The following DIAPH2 variants were observed in gnomAD, a reference collection of about 807,000 sequenced individuals.
The protein encoded by DIAPH2 is protein diaphanous homolog 2.
A neutral mutation model predicts 92.7 loss-of-function variants in DIAPH2; 35 were observed. That is an observed-to-expected ratio of 0.38 (90% CI 0.29 to 0.50). The LOEUF (loss-of-function observed/expected upper bound fraction) is 0.50. Ranked by LOEUF, DIAPH2 falls within the 20% of genes least tolerant of loss-of-function variation. The pLI is 0.94. For missense variants in DIAPH2, 701 were observed against 819.5 expected (o/e 0.86, Z 1.77); for synonymous variants, 301 against 280.4 (o/e 1.07, Z -0.73).
At chrX:96,954,509 C>A (rs2065797367) in intron 15 of DIAPH2, among the ~76,000 whole-genome samples, 1 of 111,868 alleles carries the variant, frequency 8.9e-6, no homozygotes, top group Non-Finnish European at 1.9e-5. Context: ...TCCTCATAAT[C>A]CTATCTATTT....
At chrX:96,921,377 G>A (rs753013356) in intron 9 of DIAPH2, among the ~76,000 whole-genome samples, 1 of 111,178 alleles carries the variant, frequency 9.0e-6, no homozygotes, top group East Asian at 2.8e-4. Flanking sequence ...GCATTCTCCG[G>A]TCTCTTTTGC....
intron 5 of DIAPH2, among the ~76,000 whole-genome samples, chrX:96,882,558 G>T (rs1569419217): frequency 9.0e-6 from 1 of 111,064 alleles, no homozygotes; most frequent in Non-Finnish European, 1.9e-5. Flanking sequence ...TAGGTTACTT[G>T]CCAATGGTGG....
chrX:97,129,882 G>A (rs766424314), intron 21 of DIAPH2, among the ~76,000 whole-genome samples: 2 of 111,350 alleles, frequency 1.8e-5, no homozygotes, highest in Non-Finnish European at 3.8e-5. Flanking sequence ...ATTGATATCC[G>A]TAATATATAA....
intron 23 of DIAPH2, among the ~76,000 whole-genome samples, chrX:97,261,100 C>G (rs2068284756): frequency 8.9e-6 from 1 of 112,243 alleles, no homozygotes; most frequent in Non-Finnish European, 1.9e-5. Flanking sequence ...AAGGTCATAT[C>G]TTTGAATTAT....
At chrX:96,956,819 A>G (rs1040688347) in intron 15 of DIAPH2, among the ~76,000 whole-genome samples, 3 of 112,160 alleles carry the variant, frequency 2.7e-5, no homozygotes, top group African/African-American at 9.7e-5. Context: ...AAACTTTCCC[A>G]CATTTTCCTG....
intron 23 of DIAPH2, among the ~76,000 whole-genome samples, chrX:97,256,089 A>T (rs1029942419): frequency 8.9e-6 from 1 of 112,464 alleles, no homozygotes; most frequent in Non-Finnish European, 1.9e-5. Context: ...ATGTACCCTC[A>T]ACCTGACAAA....
At chrX:97,590,593 G>A (rs1193670895) in intron 26 of DIAPH2, among the ~76,000 whole-genome samples, 1 of 112,195 alleles carries the variant, frequency 8.9e-6, no homozygotes. Flanking sequence ...GAGTAGAAAG[G>A]CACAGAGATG....
chrX:96,793,251 C>G (rs914954747), intron 4 of DIAPH2, among the ~76,000 whole-genome samples: 1 of 112,286 alleles, frequency 8.9e-6, no homozygotes, highest in African/African-American at 3.2e-5. Flanking sequence ...TCCTCTGTCT[C>G]CCGGGTTCAA....
At chrX:97,216,552 C>T (rs938696324) in intron 22 of DIAPH2, among the ~76,000 whole-genome samples, 3 of 109,979 alleles carry the variant, frequency 2.7e-5, no homozygotes, top group South Asian at 4.0e-4. Context: ...GTGATCTTCC[C>T]GCCTTGGCCT....
At chrX:96,856,990 G>C (rs1282238596) in intron 4 of DIAPH2, among the ~76,000 whole-genome samples, 3 of 110,045 alleles carry the variant, frequency 2.7e-5, no homozygotes, top group African/African-American at 1.0e-4. Flanking sequence ...AGTGAGCCGA[G>C]ATCGATCCAC....
chrX:97,571,074 C>T (rs2071366871), intron 26 of DIAPH2, among the ~76,000 whole-genome samples: 1 of 111,528 alleles, frequency 9.0e-6, no homozygotes, highest in Admixed American at 9.5e-5. Context: ...TTGGTGGGCA[C>T]AGAGACATTG....
intron 26 of DIAPH2, chrX:97,533,478 A>C (rs767719639): frequency 2.7e-5 from 3 of 110,781 alleles, no homozygotes; most frequent in Non-Finnish European, 5.7e-5. Flanking sequence ...AAGATTCCTC[A>C]ATTTGTATTT....
chrX:97,280,860 G>A (rs921894231), intron 23 of DIAPH2, among the ~76,000 whole-genome samples: 1 of 111,517 alleles, frequency 9.0e-6, no homozygotes, highest in Middle Eastern at 4.7e-3. Flanking sequence ...GCATTTCCCC[G>A]GGTCCCTGAG....
At chrX:96,816,560 AAGAC>A (rs779431058) in intron 4 of DIAPH2, among the ~76,000 whole-genome samples, 42 of 112,533 alleles carry the variant, frequency 3.7e-4, no homozygotes, top group African/African-American at 1.4e-3. Context: ...TTTTGTCTAA[AAGAC>A]AGGCAATAAC....
At chrX:97,020,123 T>G (rs1394446846) in intron 17 of DIAPH2, among the ~76,000 whole-genome samples, 1 of 112,795 alleles carries the variant, frequency 8.9e-6, no homozygotes, top group African/African-American at 3.2e-5. Flanking sequence ...GTTCAGGTAA[T>G]CTAGTTAACA....
intron 4 of DIAPH2, among the ~76,000 whole-genome samples, chrX:96,831,171 C>CT (rs937717820): frequency 9.1e-6 from 1 of 110,230 alleles, no homozygotes; most frequent in African/African-American, 3.3e-5. Flanking sequence ...TTTTACGTGA[C>CT]TTTTTTTTTC....
At chrX:97,247,915 T>C in intron 23 of DIAPH2, 76 bp downstream of exon 23, 7 of 956,708 alleles carry the variant, frequency 7.3e-6, no homozygotes, top group Non-Finnish European at 9.9e-6. Context: ...GTGTGGTTAG[T>C]TCTAGATTTA....
intron 26 of DIAPH2, among the ~76,000 whole-genome samples, chrX:97,494,833 G>T (rs2070747865): frequency 8.9e-6 from 1 of 112,589 alleles, no homozygotes; most frequent in South Asian, 3.7e-4. Flanking sequence ...AGGCCAGATT[G>T]TTGGGAACAT....
At chrX:96,991,371 C>A (rs1479305114) in intron 17 of DIAPH2, among the ~76,000 whole-genome samples, 1 of 109,747 alleles carries the variant, frequency 9.1e-6, no homozygotes, top group African/African-American at 3.3e-5. Flanking sequence ...ACCTGCCTCG[C>A]CCTCCCAAAG....
Sources: allele counts gnomAD v4.1 joint callset (sites outside exome capture counted in the v4.1 genomes callset), GRCh38; gene constraint gnomAD v4.1.1; transcripts MANE v1.5; gene names NCBI Gene and HGNC (gene_info 2026-07-23, HGNC 2026-07-21).